Variants in SHISA6 observed in about 807,000 individuals in gnomAD.
SHISA6 encodes the protein shisa family member 6.
In SHISA6, 22 loss-of-function variants were observed where a neutral mutation model predicts 47.9. The ratio of observed to expected loss-of-function variants is 0.46; its 90% CI spans 0.33 to 0.66. SHISA6 has a LOEUF of 0.66. SHISA6 is among the 30% of genes least tolerant of loss of function. The pLI is 0.02. For missense variants in SHISA6, 680 were observed against 764.6 expected (o/e 0.89, Z 1.30); for synonymous variants, 388 against 337.8 (o/e 1.15, Z -1.63).
At chr17:11,366,540 A>T (rs1912456372) in intron 2 of SHISA6, among the ~76,000 whole-genome samples, 1 of 152,218 alleles carries the variant, frequency 6.6e-6, no homozygotes, top group African/African-American at 2.4e-5. Context: ...TCTGTGTGTT[A>T]TGCAGAGAAT....
chr17:11,290,247 T>C (rs1240376097), intron 2 of SHISA6: 3 of 152,176 alleles, frequency 2.0e-5, no homozygotes, highest in Admixed American at 6.5e-5. Flanking sequence ...GTACAACTAA[T>C]TTTTGTAACT....
rs544041035 is a variant in SHISA6, at chr17:11,498,392, T to C, written c.896-53504T>C. Among the ~76,000 whole-genome samples the C allele has an allele frequency of 3.0e-4, 46 of 152,314 alleles. No homozygotes were observed. In the South Asian group the frequency reaches 8.9e-3, roughly 30 times the overall value. ...GAGCTTGAATCTGTCTTCTAAGATG[T>C]CCTTTAAGAGAGAAGGGAAGTAAAG... On this transcript the variant is annotated intron_variant, in intron 3 of 5. Coordinates refer to ENST00000441885, the MANE Select transcript of SHISA6 (RefSeq NM_207386.4).
Position 11,526,112 on chromosome 17 carries a change from C to A in SHISA6, c.896-25784C>A, listed in dbSNP as rs1033532300. ...GGTGGCATGACCCTACCAAGGGGAC[C>A]CCCCCCCGCTCTCTGCTGATTTGGT... On this transcript the variant is annotated intron_variant, in intron 3 of 5. Transcript: ENST00000441885. Among the ~76,000 whole-genome samples the A allele has an allele frequency of 6.3e-3, 868 of 137,934 alleles. 9 individuals carry two copies. The highest frequency in any genetic ancestry group is 0.023 in the African/African-American group (813 of 35,710). 90.5% of individuals were successfully genotyped at this position (137,934 alleles called of 152,430 possible). A position where few individuals can be genotyped will look rare whatever the true frequency, so the allele number is the denominator to read the frequency against.
intron 3 of SHISA6, among the ~76,000 whole-genome samples, chr17:11,485,945 C>A (rs1916338347): frequency 6.6e-6 from 1 of 152,168 alleles, no homozygotes; most frequent in Non-Finnish European, 1.5e-5. Flanking sequence ...CTTCATTTCT[C>A]CTCCTAATTT....
chr17:11,255,403 A>G (rs1028876805), intron 1 of SHISA6, among the ~76,000 whole-genome samples: 4 of 152,120 alleles, frequency 2.6e-5, no homozygotes, highest in Non-Finnish European at 5.9e-5. Context: ...AAATAACTGA[A>G]TCTTTTACAG....
At position 11,558,282 on chromosome 17, in the gene SHISA6, G is replaced by A. The variant is rs746212746; in HGVS notation, c.1634G>A (p.Ser545Asn). 6.5e-7 allele frequency: 1 copy of A among 1,539,166 alleles called. No homozygotes were observed. Among genetic ancestry groups the A allele is most frequent in the South Asian group, 1.2e-5 (1 of 84,054 alleles). ...GGCCACCACACCTGCTACACAGCCAGCAAGACCGAAGTGACCGTGTGACCG... is the reference window on the plus strand; with the variant it reads ...GGCCACCACACCTGCTACACAGCCAACAAGACCGAAGTGACCGTGTGACCG... ...IPGHHTCYTASKTEVTV is the reference protein window; with the variant it reads ...IPGHHTCYTANKTEVTV The change falls in exon 6 of 6, where the codon AGC (serine) becomes AAC (asparagine). Residue 545 changes from serine to asparagine, a missense_variant. By Grantham distance (46) the Ser-to-Asn change is conservative. This residue lies in a region of SHISA6 where 559 missense variants were observed against 674.1 expected (regional missense o/e 0.83). Transcript: ENST00000441885.
At chr17:11,387,455 G>A (rs2142251872) in intron 3 of SHISA6, among the ~76,000 whole-genome samples, 1 of 152,278 alleles carries the variant, frequency 6.6e-6, no homozygotes, top group African/African-American at 2.4e-5. Context: ...TGAGGAGGAG[G>A]AGCTGTGGGG....
chr17:11,396,786 A>G (rs572112817), intron 3 of SHISA6, among the ~76,000 whole-genome samples: 13 of 152,240 alleles, frequency 8.5e-5, no homozygotes, highest in African/African-American at 2.9e-4. Context: ...ACAAATACCT[A>G]ATGCATGCGG....
chr17:11,322,651 C>CA lies in SHISA6; in HGVS notation c.800-56757dup, dbSNP rs1910751958. Among the ~76,000 whole-genome samples, 10 of 152,172 alleles carry CA rather than the reference C, an allele frequency of 6.6e-5. 1 individual carries two copies. In the South Asian group the frequency reaches 1.9e-3, roughly 28 times the overall value. On this transcript the variant is annotated intron_variant, in intron 2 of 5. Coordinates refer to ENST00000441885, the MANE Select transcript of SHISA6 (RefSeq NM_207386.4). ...AACCTAACTTGTATTAATTAATTTG[C>CA]AAAAAATCATTCTCCTCTTAGGGGT...
chr17:11,496,118 C>T (rs1241489942), intron 3 of SHISA6, among the ~76,000 whole-genome samples: 1 of 152,174 alleles, frequency 6.6e-6, no homozygotes, highest in Admixed American at 6.5e-5. Context: ...CTTGCAACTA[C>T]ACTTGAGATT....
chr17:11,425,740 A>C (rs1378885170), intron 3 of SHISA6, among the ~76,000 whole-genome samples: 1 of 152,192 alleles, frequency 6.6e-6, no homozygotes, highest in Non-Finnish European at 1.5e-5. Flanking sequence ...CTTCAGTTAC[A>C]TTGGCTTTCT....
In SHISA6 at chr17:11,258,918, A is replaced by G. The variant is rs145973348; in HGVS notation, c.639-4448A>G. Among the ~76,000 whole-genome samples the G allele has an allele frequency of 1.6e-3, 247 of 152,294 alleles. 1 individual carries two copies. Among genetic ancestry groups the G allele is most frequent in the African/African-American group, 5.7e-3 (238 of 41,566 alleles). Reference sequence around the variant, plus strand: ...AGGGACATAGTAGGTGAAGAAGACAAATGTGACTAAGTGGATGGATGGATG... The same window carrying G: ...AGGGACATAGTAGGTGAAGAAGACAGATGTGACTAAGTGGATGGATGGATG... On this transcript the variant is annotated intron_variant, in intron 1 of 5. Transcript: ENST00000441885.
Position 11,476,855 on chromosome 17 carries a change from G to C in SHISA6, c.896-75041G>C, listed in dbSNP as rs114622871. ...GGATCTGTCCACTTCTGATACAGAA[G>C]TACTAATGTCTCCAACTGTAACAGT... On this transcript the variant is annotated intron_variant, in intron 3 of 5. Transcript: ENST00000441885. Among the ~76,000 whole-genome samples, 586 of 152,266 alleles carry C rather than the reference G, an allele frequency of 3.8e-3. 4 individuals are homozygous for C. Among genetic ancestry groups the C allele is most frequent in the African/African-American group, 0.013 (552 of 41,552 alleles).
At chr17:11,360,669 T>C (rs1567584219) in intron 2 of SHISA6, among the ~76,000 whole-genome samples, 1 of 151,334 alleles carries the variant, frequency 6.6e-6, no homozygotes, top group Non-Finnish European at 1.5e-5. Flanking sequence ...TTAGGACAAA[T>C]ACCTTATGTA....
intron 3 of SHISA6, among the ~76,000 whole-genome samples, chr17:11,468,332 T>C (rs967319566): frequency 6.6e-6 from 1 of 152,044 alleles, no homozygotes; most frequent in South Asian, 2.1e-4. Context: ...TTAGCTGAGA[T>C]ACAGATGGCT....
chr17:11,275,983 G>T (rs996994214), intron 2 of SHISA6, among the ~76,000 whole-genome samples: 18 of 147,434 alleles, frequency 1.2e-4, no homozygotes, highest in Non-Finnish European at 2.6e-4. Flanking sequence ...TTTTGTTTTT[G>T]TTTTTTTTTT....
chr17:11,379,270 T>C, intron 2 of SHISA6, 144 bp from the exon 3 acceptor site: 1 of 372,368 alleles, frequency 2.7e-6, no homozygotes, highest in South Asian at 4.9e-5. Flanking sequence ...TATGTGTATA[T>C]ATATTCTTGG....
intron 3 of SHISA6, among the ~76,000 whole-genome samples, chr17:11,453,985 C>G (rs1915467411): frequency 1.3e-5 from 2 of 152,180 alleles, no homozygotes; most frequent in South Asian, 4.1e-4. Context: ...ATTTTCACTT[C>G]TCTTGGGTAA....
At chr17:11,330,856 G>A (rs554620370) in intron 2 of SHISA6, among the ~76,000 whole-genome samples, 17 of 152,294 alleles carry the variant, frequency 1.1e-4, no homozygotes, top group South Asian at 6.2e-4. Flanking sequence ...CAGTGGGGAA[G>A]CGCCTGACTT....
Sources: allele counts gnomAD v4.1 joint callset (sites outside exome capture counted in the v4.1 genomes callset), GRCh38; gene constraint gnomAD v4.1.1; regional missense constraint gnomAD v4.1.1; transcripts MANE v1.5; gene names NCBI Gene and HGNC (gene_info 2026-07-23, HGNC 2026-07-21).